Variants in ACSL1 observed in about 807,000 individuals in gnomAD.
The protein encoded by ACSL1 is long-chain-fatty-acid--CoA ligase 1.
ACSL1 carries 41 observed loss-of-function variants against 98.4 expected under a neutral mutation model. The observed-to-expected ratio is 0.42, with a 90% CI of 0.32 to 0.54. The LOEUF (loss-of-function observed/expected upper bound fraction) is 0.54. ACSL1 is among the 20% of genes least tolerant of loss of function. The pLI is 0.13. For missense variants in ACSL1, 734 were observed against 883.1 expected (o/e 0.83, Z 2.14); for synonymous variants, 316 against 322.7 (o/e 0.98, Z 0.22).
chr4:184,764,836 G>A lies in ACSL1; in HGVS notation c.1432+17C>T, dbSNP rs760662749. The A allele has an allele frequency of 5.6e-6, 9 of 1,600,996 alleles. No individual in the cohort carries two copies. The South Asian group carries it at 1.0e-4, about 18-fold the overall frequency. On this transcript the variant is annotated intron_variant, in intron 15 of 20. Coordinates refer to ENST00000281455, the MANE Select transcript of ACSL1 (RefSeq NM_001995.5). ...ATGAATAACAAAATTCCAAAAAGGA[G>A]CCTCCTACAGCCATACCTGCGGTCC...
intron 16 of ACSL1, 83 bp downstream of exon 16, chr4:184,763,084 G>A: frequency 7.1e-7 from 1 of 1,406,956 alleles, no homozygotes; most frequent in Non-Finnish European, 9.8e-7. Context: ...TTATTGAGCT[G>A]TTGGGAAATA....
intron 5 of ACSL1, 65 bp downstream of exon 5, chr4:184,780,267 G>A: frequency 7.4e-7 from 1 of 1,350,606 alleles, no homozygotes; most frequent in Non-Finnish European, 1.0e-6. Context: ...GTCTCTAGCA[G>A]AAGTTAGGCT....
Position 184,757,570 on chromosome 4 carries a change from C to T in ACSL1, c.1956+65G>A. 4 of 1,458,090 alleles carry T rather than the reference C, an allele frequency of 2.7e-6. No individual in the cohort carries two copies. Among genetic ancestry groups the T allele is most frequent in the Non-Finnish European group, 1.9e-6 (2 of 1,055,910 alleles). 90.3% of individuals were successfully genotyped at this position (1,458,090 alleles called of 1,614,324 possible). A position where few individuals can be genotyped will look rare whatever the true frequency, so the allele number is the denominator to read the frequency against. ...CACCCCATATGTTTATATAATCTAC[C>T]TGTAAAAAAATCTTAATGGAAAATT... On this transcript the variant is annotated intron_variant, in intron 20 of 20. Transcript: ENST00000281455. This position sits in a 1 kb window ranked among gnomAD's most constrained non-coding sequence, Gnocchi z 4.5.
intron 1 of ACSL1, among the ~76,000 whole-genome samples, chr4:184,817,269 G>T (rs143298771): frequency 0.02 from 3,062 of 152,146 alleles, 55 homozygotes; most frequent in Non-Finnish European, 0.035. Context: ...TAACTTTCTG[G>T]TTCTCTAGAC....
intron 14 of ACSL1, among the ~76,000 whole-genome samples, chr4:184,765,634 T>C (rs34197776): frequency 0.027 from 4,073 of 152,114 alleles, 99 homozygotes; most frequent in African/African-American, 0.064. Context: ...GCCCAGAGGG[T>C]AGATTCCAAG....
At chr4:184,760,168 G>A (rs1762658451) in intron 18 of ACSL1, among the ~76,000 whole-genome samples, 189 bp downstream of exon 18, 1 of 152,118 alleles carries the variant, frequency 6.6e-6, no homozygotes, top group African/African-American at 2.4e-5. Flanking sequence ...GGAAATTAAA[G>A]AGAACAAATT....
At chr4:184,760,666 G>T (rs986979796) in intron 17 of ACSL1, among the ~76,000 whole-genome samples, 166 bp from the exon 18 acceptor site, 1 of 152,138 alleles carries the variant, frequency 6.6e-6, no homozygotes, top group African/African-American at 2.4e-5. Flanking sequence ...GAAAACAAAG[G>T]CTTAGAGAGA....
At chr4:184,821,705 G>T (rs1298860508) in intron 1 of ACSL1, among the ~76,000 whole-genome samples, 1 of 152,110 alleles carries the variant, frequency 6.6e-6, no homozygotes, top group Non-Finnish European at 1.5e-5. Context: ...CCAACAAATG[G>T]GGAGAAGTAA....
intron 4 of ACSL1, among the ~76,000 whole-genome samples, chr4:184,783,245 C>T (rs1390792172): frequency 2.6e-5 from 4 of 152,228 alleles, no homozygotes; most frequent in Non-Finnish European, 4.4e-5. Flanking sequence ...GCTGTTTCAA[C>T]AGCTGTAGCC....
chr4:184,798,269 T>C (rs1188007395), intron 2 of ACSL1: 4 of 152,258 alleles, frequency 2.6e-5, no homozygotes, highest in Admixed American at 2.6e-4. Context: ...AATTAAGTCT[T>C]AGAAAAGACG....
intron 1 of ACSL1, among the ~76,000 whole-genome samples, chr4:184,822,448 T>C (rs1773132486): frequency 6.6e-6 from 1 of 152,112 alleles, no homozygotes; most frequent in Non-Finnish European, 1.5e-5. Context: ...GTCAAGAACA[T>C]GAAAGTGGGC....
intron 2 of ACSL1, among the ~76,000 whole-genome samples, chr4:184,795,730 A>G (rs1769244114): frequency 6.6e-6 from 1 of 152,244 alleles, no homozygotes; most frequent in East Asian, 1.9e-4. Context: ...CAGGTCTTAC[A>G]GTCTCTTAGA....
intron 2 of ACSL1, among the ~76,000 whole-genome samples, chr4:184,788,983 T>C (rs992056277): frequency 1.3e-5 from 2 of 152,214 alleles, no homozygotes; most frequent in African/African-American, 4.8e-5. Flanking sequence ...GTTCCTATTA[T>C]ACACCATAAA....
chr4:184,791,739 G>A (rs1285121016), intron 2 of ACSL1, among the ~76,000 whole-genome samples: 1 of 152,204 alleles, frequency 6.6e-6, no homozygotes, highest in African/African-American at 2.4e-5. Flanking sequence ...AGGGCAGTGG[G>A]AGTTGGGAGC....
intron 1 of ACSL1, chr4:184,815,093 C>T (rs960722268): frequency 8.8e-6 from 4 of 456,056 alleles, no homozygotes; most frequent in Admixed American, 2.4e-5. Context: ...CTGATAACCA[C>T]GGCAGGTAGG....
At chr4:184,791,331 C>T (rs1299366293) in intron 2 of ACSL1, among the ~76,000 whole-genome samples, 1 of 152,190 alleles carries the variant, frequency 6.6e-6, no homozygotes, top group African/African-American at 2.4e-5. Context: ...CTCCAGGGAA[C>T]CCTGGCTGAG....
intron 2 of ACSL1, among the ~76,000 whole-genome samples, chr4:184,796,697 G>A (rs990756586): frequency 3.3e-5 from 5 of 152,218 alleles, no homozygotes; most frequent in African/African-American, 4.8e-5. Flanking sequence ...CAGAGCATTG[G>A]ATCAGGAGAT....
In ACSL1 at chr4:184,770,458, G is replaced by A. The variant is rs1319724677; in HGVS notation, c.934C>T (p.Pro312Ser). ...KATENTVNPC[P>S]DDTLISFLPL... ...AAGAAAGATATCAAAGTATCATCTG[G>A]GCAAGGATTGACTGTATTCTGTAAG... The change falls in exon 11 of 21, where the codon CCA becomes TCA. Residue 312 changes from proline (P) to serine (S), a missense_variant. Pro to Ser is a moderately conservative substitution (Grantham distance 74). Coordinates refer to ENST00000281455, the MANE Select transcript of ACSL1 (RefSeq NM_001995.5). 6.2e-7 allele frequency: 1 copy of A among 1,612,202 alleles called. No homozygotes were observed. The highest frequency in any genetic ancestry group is 1.7e-4 in the Middle Eastern group (1 of 6,058).
intron 2 of ACSL1, among the ~76,000 whole-genome samples, chr4:184,790,564 T>G (rs1768176180): frequency 6.6e-6 from 1 of 152,250 alleles, no homozygotes; most frequent in Non-Finnish European, 1.5e-5. Context: ...CAAACATGCT[T>G]ACTAACTACA....
Sources: allele counts gnomAD v4.1 joint callset (sites outside exome capture counted in the v4.1 genomes callset), GRCh38; gene constraint gnomAD v4.1.1; non-coding constraint Gnocchi (gnomAD v3.1); transcripts MANE v1.5; gene names NCBI Gene and HGNC (gene_info 2026-07-23, HGNC 2026-07-21).